The following PRKG2 variants were observed in gnomAD, a reference collection of about 807,000 sequenced individuals.
The protein encoded by PRKG2 is cGMP-dependent protein kinase 2.
In PRKG2, 33 loss-of-function variants were observed where a neutral mutation model predicts 97.2. That is an observed-to-expected ratio of 0.34 (90% CI 0.26 to 0.45). PRKG2 has a LOEUF of 0.45. Among genes scored for constraint, PRKG2 ranks in the 20% least tolerant of loss-of-function variants. The probability of loss-of-function intolerance (pLI) is 1.00; values close to 1 mark genes in which losing one functional copy is unlikely to be tolerated. For synonymous variants in PRKG2, 330 were observed against 321.8 expected (o/e 1.03, Z -0.27); for missense variants, 638 against 900.0 (o/e 0.71, Z 3.73).
At chr4:81,143,389 A>G (rs1747495393) in intron 10 of PRKG2, among the ~76,000 whole-genome samples, 1 of 152,214 alleles carries the variant, frequency 6.6e-6, no homozygotes, top group Non-Finnish European at 1.5e-5. Flanking sequence ...AGAATGCCAC[A>G]TTGACAATCT....
At chr4:81,101,748 AG>A (rs1742815988) in intron 17 of PRKG2, among the ~76,000 whole-genome samples, 1 of 151,906 alleles carries the variant, frequency 6.6e-6, no homozygotes, top group African/African-American at 2.4e-5. Flanking sequence ...AATAGAAAAA[AG>A]AAAAAAAAAA....
At chr4:81,161,935 G>C (rs922468420) in intron 6 of PRKG2, among the ~76,000 whole-genome samples, 6 of 151,952 alleles carry the variant, frequency 3.9e-5, no homozygotes, top group African/African-American at 1.2e-4. Flanking sequence ...TATCTGGAAG[G>C]GGGGGTGGGG....
chr4:81,171,797 T>C lies in PRKG2; in HGVS notation c.636A>G (p.Arg212=), dbSNP rs1750500983. The C allele has an allele frequency of 8.1e-6, 13 of 1,605,132 alleles. No individual in the cohort carries two copies. Among genetic ancestry groups the C allele is most frequent in the Non-Finnish European group, 1.0e-5 (12 of 1,176,058 alleles). The change falls in exon 4 of 19, where the codon CGA becomes CGG. Residue 212 remains arginine, a synonymous_variant. Transcript: ENST00000264399. ...ATTTCTCCCCTTGGAACACCTCTAG[T>C]CGACCCTCTATCAAGCAGAATTTTA... ...GNHIFVLAEG[R]LEVFQGEKLL...
At chr4:81,149,123 G>A (rs938260745) in intron 8 of PRKG2, among the ~76,000 whole-genome samples, 171 bp from the exon 9 acceptor site, 1 of 152,100 alleles carries the variant, frequency 6.6e-6, no homozygotes, top group African/African-American at 2.4e-5. Flanking sequence ...GATTTGAAAT[G>A]TGCCCCAGTA....
rs1236762024 is a variant in PRKG2, at chr4:81,144,604, A to ATT, written c.1155-275_1155-274insAA. Among the ~76,000 whole-genome samples the ATT allele has an allele frequency of 5.4e-5, 7 of 129,706 alleles. No homozygotes were observed. In the South Asian group the frequency reaches 1.4e-3, roughly 25 times the overall value. The allele number at this position is 129,706 out of a possible 152,430, so 85.1% of individuals were successfully genotyped here. ...GCCTTGTATTTAAGGTTATATATAT[A>ATT]TATATATTTTTTTTTTATTATACTT... On this transcript the variant is annotated intron_variant, in intron 9 of 18. Coordinates refer to ENST00000264399, the MANE Select transcript of PRKG2 (RefSeq NM_006259.3).
At chr4:81,145,094 A>G (rs1747729021) in intron 9 of PRKG2, among the ~76,000 whole-genome samples, 1 of 152,130 alleles carries the variant, frequency 6.6e-6, no homozygotes, top group South Asian at 2.1e-4. Context: ...TTATAGCAGT[A>G]TGATTTATAT....
intron 2 of PRKG2, among the ~76,000 whole-genome samples, chr4:81,187,592 A>G (rs1439941326): frequency 6.6e-6 from 1 of 152,194 alleles, no homozygotes; most frequent in Non-Finnish European, 1.5e-5. Context: ...CCTATTCAAC[A>G]TAGTATTGGA....
At chr4:81,179,358 A>G (rs1411703633) in intron 2 of PRKG2, among the ~76,000 whole-genome samples, 1 of 152,226 alleles carries the variant, frequency 6.6e-6, no homozygotes, top group African/African-American at 2.4e-5. Flanking sequence ...TTCAACAGAA[A>G]TAACAGAAGC....
intron 3 of PRKG2, among the ~76,000 whole-genome samples, chr4:81,172,768 G>A (rs910279079): frequency 1.3e-5 from 2 of 152,206 alleles, no homozygotes; most frequent in East Asian, 3.9e-4. Flanking sequence ...TCACTGCTAA[G>A]TAGCTCTGTA....
intron 6 of PRKG2, among the ~76,000 whole-genome samples, 199 bp from the exon 7 acceptor site, chr4:81,153,920 C>T (rs1203259830): frequency 2.0e-5 from 3 of 152,044 alleles, no homozygotes; most frequent in South Asian, 2.1e-4. Context: ...GCACCGTGCG[C>T]GAGCCGAAGC....
chr4:81,090,364 A>T (rs1032294511), intron 18 of PRKG2, among the ~76,000 whole-genome samples: 2 of 152,116 alleles, frequency 1.3e-5, no homozygotes, highest in African/African-American at 4.8e-5. Flanking sequence ...TCTCAAAAAA[A>T]AAAAATAAGT....
At chr4:81,146,055 G>A (rs1362947977) in intron 9 of PRKG2, among the ~76,000 whole-genome samples, 1 of 152,140 alleles carries the variant, frequency 6.6e-6, no homozygotes, top group Non-Finnish European at 1.5e-5. Flanking sequence ...CTGAAGAGTA[G>A]TGAGACATAA....
intron 2 of PRKG2, among the ~76,000 whole-genome samples, chr4:81,182,340 C>A (rs1270812148): frequency 1.3e-5 from 2 of 151,756 alleles, no homozygotes; most frequent in African/African-American, 2.4e-5. Context: ...AAATTAAACA[C>A]CTGTAATAAT....
At chr4:81,122,933 A>G (rs1389344069) in intron 14 of PRKG2, among the ~76,000 whole-genome samples, 1 of 152,222 alleles carries the variant, frequency 6.6e-6, no homozygotes, top group African/African-American at 2.4e-5. Context: ...GCCTCAGCTA[A>G]AACAGCTCTG....
At chr4:81,146,030 A>G (rs1373204766) in intron 9 of PRKG2, among the ~76,000 whole-genome samples, 1 of 152,154 alleles carries the variant, frequency 6.6e-6, no homozygotes, top group Non-Finnish European at 1.5e-5. Context: ...TGTTCTATGG[A>G]CTGACCTTTG....
intron 2 of PRKG2, among the ~76,000 whole-genome samples, chr4:81,191,573 T>C (rs2110112736): frequency 6.6e-6 from 1 of 151,990 alleles, no homozygotes; most frequent in South Asian, 2.1e-4. Flanking sequence ...TCCCAGAACT[T>C]AAAGGATAAT....
At chr4:81,177,734 C>A (rs1052754992) in intron 2 of PRKG2, among the ~76,000 whole-genome samples, 32 of 152,168 alleles carry the variant, frequency 2.1e-4, no homozygotes, top group African/African-American at 7.2e-4. Flanking sequence ...ACTCTTTCTA[C>A]AACTATGACA....
intron 11 of PRKG2, among the ~76,000 whole-genome samples, chr4:81,142,016 C>T (rs572340068): frequency 1.3e-5 from 2 of 152,144 alleles, no homozygotes; most frequent in Non-Finnish European, 2.9e-5. Flanking sequence ...ATGGTGAATC[C>T]TTAAAAATCT....
intron 1 of PRKG2, among the ~76,000 whole-genome samples, chr4:81,207,134 G>A (rs1175697383): frequency 2.0e-5 from 3 of 152,138 alleles, no homozygotes; most frequent in African/African-American, 7.2e-5. Context: ...CCTTGAATAA[G>A]CAATTCAGAA....
Sources: gnomAD v4.1 joint callset for allele counts (sites outside exome capture counted in the v4.1 genomes callset) on GRCh38, gnomAD v4.1.1 for gene constraint, MANE v1.5 for transcripts, NCBI Gene and HGNC (gene_info 2026-07-23, HGNC 2026-07-21) for gene names.